AP2B1: variants seen among roughly 807,000 people sequenced by gnomAD.
AP2B1 encodes adaptor related protein complex 2 subunit beta 1.
AP2B1 carries 23 observed loss-of-function variants against 102.0 expected under a neutral mutation model. That is an observed-to-expected ratio of 0.23 (90% CI 0.16 to 0.32). AP2B1 has a LOEUF of 0.32. Among genes scored for constraint, AP2B1 ranks in the 10% least tolerant of loss-of-function variants. The pLI is 1.00. For missense variants in AP2B1, 541 were observed against 1,157.4 expected, an observed-to-expected ratio of 0.47 and a Z score of 7.73; for synonymous variants, 381 against 421.2, an observed-to-expected ratio of 0.90 and a Z score of 1.17.
chr17:35,594,005 T>C lies in AP2B1; in HGVS notation c.-23-3T>C. ...ATGAAGGAATTCTTTTCTCTTGCTA[T>C]AGGTGCACATTAAAGATCCAAAGTC... On this transcript the variant is annotated splice_polypyrimidine_tract_variant and splice_region_variant and intron_variant, in intron 1 of 21. Coordinates refer to ENST00000610402, the MANE Select transcript of AP2B1 (RefSeq NM_001030006.2). 1 of 1,555,268 alleles carries C rather than the reference T, an allele frequency of 6.4e-7. No homozygotes were observed. The highest frequency in any genetic ancestry group is 1.8e-5 in the Admixed American group (1 of 55,016).
chr17:35,661,742 A>G (rs989616791), intron 14 of AP2B1, among the ~76,000 whole-genome samples: 10 of 152,168 alleles, frequency 6.6e-5, no homozygotes, highest in African/African-American at 2.4e-4. Flanking sequence ...CTTGATATTC[A>G]TGAGAAGATA....
At chr17:35,655,672 C>G (rs183099591) in intron 13 of AP2B1, among the ~76,000 whole-genome samples, 1 of 152,218 alleles carries the variant, frequency 6.6e-6, no homozygotes, top group Admixed American at 6.5e-5. Context: ...AGTAGAATTG[C>G]TGGATCATAG....
chr17:35,670,545 A>G (rs1257444279), intron 14 of AP2B1, among the ~76,000 whole-genome samples: 7 of 152,078 alleles, frequency 4.6e-5, no homozygotes, highest in African/African-American at 1.4e-4. Context: ...GAATATGCAA[A>G]CTCTTTAAAT....
chr17:35,605,645 C>T, intron 3 of AP2B1, 60 bp from the exon 4 acceptor site: 1 of 1,244,344 alleles, frequency 8.0e-7, no homozygotes, highest in South Asian at 1.4e-5. Flanking sequence ...CATGTTCTGT[C>T]CAACAGCTTG....
chr17:35,627,460 G>A lies in AP2B1; in HGVS notation c.1014G>A (p.Lys338=). Residue 338 remains lysine, a synonymous_variant, in exon 8 of 22, where the codon AAG becomes AAA. Coordinates refer to ENST00000610402, the MANE Select transcript of AP2B1 (RefSeq NM_001030006.2). ...ATCCCATCTATGTTAAACTAGAGAA[G>A]TTGGACATCATGATTCGTTTGGCAT... is the stretch of plus-strand genomic sequence containing the variant. ...YNDPIYVKLE[K]LDIMIRLASQ... 6.2e-7 allele frequency: 1 copy of A among 1,614,040 alleles called. No homozygotes were observed. The highest frequency in any genetic ancestry group is 2.2e-5 in the East Asian group (1 of 44,862).
intron 14 of AP2B1, among the ~76,000 whole-genome samples, chr17:35,664,046 C>CA (rs2075410741): frequency 6.6e-6 from 1 of 152,030 alleles, no homozygotes; most frequent in African/African-American, 2.4e-5. Flanking sequence ...AGGCATGAGC[C>CA]ACTATGCCTG....
chr17:35,705,087 G>A (rs587596998), intron 18 of AP2B1, among the ~76,000 whole-genome samples: 1 of 152,256 alleles, frequency 6.6e-6, no homozygotes, highest in East Asian at 1.9e-4. Context: ...GTGACTTTCA[G>A]TGTTTGGGGA....
At chr17:35,685,694 C>CTA (rs1443768707) in intron 18 of AP2B1, among the ~76,000 whole-genome samples, 4 of 152,134 alleles carry the variant, frequency 2.6e-5, no homozygotes. Context: ...CATCAGAACA[C>CTA]TCATTAAACT....
At chr17:35,610,961 G>C (rs1404202240) in intron 5 of AP2B1, among the ~76,000 whole-genome samples, 1 of 151,770 alleles carries the variant, frequency 6.6e-6, no homozygotes, top group Non-Finnish European at 1.5e-5. Context: ...TGTAATTCCA[G>C]GTACTTGGGA....
At chr17:35,722,443 G>C (rs2085428241) in intron 21 of AP2B1, among the ~76,000 whole-genome samples, 1 of 152,172 alleles carries the variant, frequency 6.6e-6, no homozygotes, top group Non-Finnish European at 1.5e-5. Flanking sequence ...CTTGGGGACT[G>C]AATATTAAAG....
At chr17:35,706,087 A>G (rs2076335368) in intron 18 of AP2B1, among the ~76,000 whole-genome samples, 2 of 152,162 alleles carry the variant, frequency 1.3e-5, no homozygotes, top group Admixed American at 1.3e-4. Context: ...GCTCCTCAGA[A>G]AATTGTTCTA....
rs958495070 is a variant in AP2B1 at position 35,702,910 on chromosome 17, C to A, written c.2455-6314C>A. Among the ~76,000 whole-genome samples, 4 of 152,142 alleles carry A rather than the reference C, an allele frequency of 2.6e-5. No individual in the cohort carries two copies. In the South Asian group the frequency reaches 8.3e-4, roughly 31 times the overall value. On this transcript the variant is annotated intron_variant, in intron 18 of 21. Coordinates refer to ENST00000610402, the MANE Select transcript of AP2B1 (RefSeq NM_001030006.2). Reference sequence around the variant, plus strand: ...GGTGAGGTTGTAGAGAAAAACACAACACTTATACACTATTGAAGAGCATGT... The same window carrying A: ...GGTGAGGTTGTAGAGAAAAACACAAAACTTATACACTATTGAAGAGCATGT...
chr17:35,640,242 T>TTA (rs2074738282), intron 11 of AP2B1, among the ~76,000 whole-genome samples: 18 of 16,186 alleles, frequency 1.1e-3, no homozygotes, highest in African/African-American at 4.3e-3. Flanking sequence ...TTTTTTTTTT[T>TTA]TTTTTTTTTT....
At chr17:35,649,799 T>C (rs1015494034) in intron 12 of AP2B1, among the ~76,000 whole-genome samples, 1 of 152,152 alleles carries the variant, frequency 6.6e-6, no homozygotes, top group African/African-American at 2.4e-5. Context: ...TCTCACTCTG[T>C]TGCCCAGTCT....
At position 35,613,972 on chromosome 17, in the gene AP2B1, A is replaced by C. The variant is rs1414179901; in HGVS notation, c.525+5585A>C. Reference sequence around the variant, plus strand: ...GTCACAAGTATATATTTGCAAGAAAATGTGTATCTTTTTGGTATATGACTT... The same window carrying C: ...GTCACAAGTATATATTTGCAAGAAACTGTGTATCTTTTTGGTATATGACTT... On this transcript the variant is annotated intron_variant, in intron 5 of 21. Coordinates refer to ENST00000610402, the MANE Select transcript of AP2B1 (RefSeq NM_001030006.2). Among the ~76,000 whole-genome samples the C allele has an allele frequency of 2.0e-5, 3 of 152,142 alleles. 1 individual carries two copies. Among genetic ancestry groups the C allele is most frequent in the Admixed American group, 2.0e-4 (3 of 15,268 alleles).
chr17:35,600,112 T>TA (rs1388892522), intron 3 of AP2B1, among the ~76,000 whole-genome samples: 1 of 152,090 alleles, frequency 6.6e-6, no homozygotes, highest in Admixed American at 6.6e-5. Flanking sequence ...GACAGAGTCT[T>TA]ACTCTGTCAC....
intron 13 of AP2B1, among the ~76,000 whole-genome samples, chr17:35,654,333 G>A (rs1394692995): frequency 6.6e-6 from 1 of 152,098 alleles, no homozygotes; most frequent in Non-Finnish European, 1.5e-5. Context: ...CAAAGTGCTA[G>A]GATTACAGGT....
intron 3 of AP2B1, among the ~76,000 whole-genome samples, chr17:35,603,439 G>A (rs225286): frequency 0.87 from 132,537 of 152,268 alleles, 58,083 homozygotes; most frequent in African/African-American, 0.97. Flanking sequence ...CTTTAAATTT[G>A]TTTCCTGTGG....
At chr17:35,614,117 A>G (rs919823937) in intron 5 of AP2B1, among the ~76,000 whole-genome samples, 4 of 152,148 alleles carry the variant, frequency 2.6e-5, no homozygotes, top group Admixed American at 6.5e-5. Flanking sequence ...ACTTACGTAT[A>G]TTAGAATTTG....
Sources: allele counts gnomAD v4.1 joint callset (sites outside exome capture counted in the v4.1 genomes callset), GRCh38; gene constraint gnomAD v4.1.1; transcripts MANE v1.5; gene names NCBI Gene and HGNC (gene_info 2026-07-23, HGNC 2026-07-21).